NFATC3: variants seen among roughly 807,000 people sequenced by gnomAD.
The protein encoded by NFATC3 is nuclear factor of activated T cells 3.
A neutral mutation model predicts 98.6 loss-of-function variants in NFATC3; 46 were observed. The observed-to-expected ratio is 0.47, with a 90% confidence interval of 0.37 to 0.60. The LOEUF (loss-of-function observed/expected upper bound fraction) is 0.60, where lower values mean the gene tolerates loss of function less well. NFATC3 is among the 20% of genes least tolerant of loss of function. The pLI, the probability that NFATC3 is intolerant of heterozygous loss-of-function variation, is 0.00. For missense variants in NFATC3, 1,256 were observed against 1,295.5 expected, an observed-to-expected ratio of 0.97 and a Z score of 0.47; for synonymous variants, 512 against 472.2, an observed-to-expected ratio of 1.08 and a Z score of -1.09.
intron 9 of NFATC3, among the ~76,000 whole-genome samples, chr16:68,206,814 G>T (rs2041164399): frequency 6.6e-6 from 1 of 151,800 alleles, no homozygotes; most frequent in African/African-American, 2.4e-5. Flanking sequence ...GAGACCCCAT[G>T]TCTATAAAAA....
intron 9 of NFATC3, among the ~76,000 whole-genome samples, chr16:68,222,359 CAT>C (rs1396912445): frequency 7.8e-6 from 1 of 128,226 alleles, no homozygotes; most frequent in East Asian, 2.4e-4. Context: ...GAAAACACGT[CAT>C]GTGGTTTTTG....
intron 3 of NFATC3, among the ~76,000 whole-genome samples, chr16:68,127,590 A>G (rs937081992): frequency 6.6e-6 from 1 of 152,060 alleles, no homozygotes; most frequent in Admixed American, 6.5e-5. Flanking sequence ...CCAGAGGCTA[A>G]GATGGGAAGA....
chr16:68,131,029 G>A (rs1375240298), intron 3 of NFATC3, among the ~76,000 whole-genome samples: 5 of 152,064 alleles, frequency 3.3e-5, no homozygotes, highest in Non-Finnish European at 7.4e-5. Flanking sequence ...TATCAATACT[G>A]TGCTGTTCTT....
intron 9 of NFATC3, among the ~76,000 whole-genome samples, chr16:68,194,491 T>C (rs929134703): frequency 5.3e-5 from 8 of 152,240 alleles, no homozygotes; most frequent in Admixed American, 6.5e-5. Flanking sequence ...AGGCTGCTAC[T>C]TTTATGCAAA....
At chr16:68,137,720 T>C (rs1421219311) in intron 3 of NFATC3, among the ~76,000 whole-genome samples, 1 of 151,880 alleles carries the variant, frequency 6.6e-6, no homozygotes, top group African/African-American at 2.4e-5. Flanking sequence ...TTCACGCCAT[T>C]CTCCTGCCTC....
chr16:68,085,411 T>TG lies in NFATC3; in HGVS notation c.-264dup, dbSNP rs138501669. The TG allele has an allele frequency of 0.059, 7,307 of 123,186 alleles. 459 individuals are homozygous for TG. The highest frequency in any genetic ancestry group is 0.36 in the African/African-American group (5,984 of 16,476). 7.6% of individuals were successfully genotyped at this position (123,186 alleles called of 1,614,324 possible). Reference sequence around the variant, plus strand: ...CCCGCGGCGGCGGTGGCGGCGACTGTGGGGGGGCGGCGGGGAACATTGGCT... The same window carrying TG: ...CCCGCGGCGGCGGTGGCGGCGACTGTGGGGGGGGCGGCGGGGAACATTGGCT... On this transcript the variant is annotated 5_prime_UTR_variant, in exon 1 of 10. Coordinates refer to ENST00000346183, the MANE Select transcript of NFATC3 (RefSeq NM_173165.3).
intron 3 of NFATC3, 44 bp from the exon 4 acceptor site, chr16:68,157,825 T>C (rs1401352385): frequency 4.0e-6 from 6 of 1,502,112 alleles, no homozygotes; most frequent in African/African-American, 1.4e-5. Context: ...GTAAAATGCA[T>C]GGATAATGAA....
chr16:68,112,645 CGT>C lies in NFATC3; in HGVS notation c.104-9341_104-9340del, dbSNP rs1491279068. Among the ~76,000 whole-genome samples the C allele has an allele frequency of 3.4e-3, 401 of 119,176 alleles. 18 individuals carry two copies. The highest frequency in any genetic ancestry group is 0.012 in the African/African-American group (371 of 29,728). 78.2% of individuals were successfully genotyped at this position (119,176 alleles called of 152,430 possible). On this transcript the variant is annotated intron_variant, in intron 1 of 9. Coordinates refer to ENST00000346183, the MANE Select transcript of NFATC3 (RefSeq NM_173165.3). ...TCATTTCTTTTCATTTTTTCTTTTT[CGT>C]TTTTTTTTTTTTTTTTTTTTTTGAG...
intron 5 of NFATC3, among the ~76,000 whole-genome samples, chr16:68,168,513 C>G (rs1472913323): frequency 2.0e-5 from 3 of 149,150 alleles, no homozygotes; most frequent in Middle Eastern, 3.8e-3. Context: ...TTAGACGGAG[C>G]CTCCCTCTTT....
chr16:68,096,185 C>CTGG (rs752321779), intron 1 of NFATC3, among the ~76,000 whole-genome samples: 42 of 152,162 alleles, frequency 2.8e-4, no homozygotes, highest in Admixed American at 5.9e-4. Context: ...AGGCCAGTCT[C>CTGG]AAACTCCTGG....
chr16:68,145,779 C>G (rs965994747), intron 3 of NFATC3, among the ~76,000 whole-genome samples: 2 of 152,102 alleles, frequency 1.3e-5, no homozygotes, highest in Non-Finnish European at 2.9e-5. Flanking sequence ...TTATTTGAAT[C>G]TATATATGGG....
At chr16:68,198,804 T>G (rs2040778947) in intron 9 of NFATC3, among the ~76,000 whole-genome samples, 1 of 152,298 alleles carries the variant, frequency 6.6e-6, no homozygotes, top group African/African-American at 2.4e-5. Context: ...ATCCCAGCAC[T>G]ATGGGAGGCC....
intron 1 of NFATC3, among the ~76,000 whole-genome samples, chr16:68,119,465 C>T (rs1032812466): frequency 2.6e-5 from 4 of 152,132 alleles, no homozygotes; most frequent in African/African-American, 9.7e-5. Flanking sequence ...TGACTAGCCT[C>T]TCCCTGACCA....
Position 68,166,867 on chromosome 16 carries a change from ACT to A in NFATC3, c.1628_1629del (p.Leu543ProfsTer13). 1 of 1,613,282 alleles carries A rather than the reference ACT, an allele frequency of 6.2e-7. No homozygotes were observed. Among genetic ancestry groups the A allele is most frequent in the Non-Finnish European group, 8.5e-7 (1 of 1,179,672 alleles). On this transcript the variant is annotated frameshift_variant, in exon 5 of 10. Transcript: ENST00000346183. LOFTEE classifies it high-confidence loss of function. The part of the protein sequence containing the change: ...ASIDCAGILK[L>X]RNSDIELRKG... ...GTATTGATTGTGCAGGTATTTTGAA[ACT>A]CCGCAATTCAGATATAGAACTTCGA...
At chr16:68,143,776 C>T (rs1162154245) in intron 3 of NFATC3, among the ~76,000 whole-genome samples, 1 of 152,140 alleles carries the variant, frequency 6.6e-6, no homozygotes, top group African/African-American at 2.4e-5. Context: ...TGCTTGAACC[C>T]AGGAGGTGGA....
At chr16:68,192,263 A>ATG (rs1440923256) in intron 9 of NFATC3, 1 of 131,326 alleles carries the variant, frequency 7.6e-6, no homozygotes, top group Non-Finnish European at 1.6e-5. Flanking sequence ...ATGTATGTGT[A>ATG]TATATATATG....
chr16:68,214,468 C>A, intron 9 of NFATC3: 1 of 1,579,510 alleles, frequency 6.3e-7, no homozygotes, highest in Non-Finnish European at 8.7e-7. Flanking sequence ...TGTTTTTGTG[C>A]CCAAGTCTGG....
intron 3 of NFATC3, among the ~76,000 whole-genome samples, chr16:68,154,646 A>C (rs2038514600): frequency 6.6e-6 from 1 of 152,214 alleles, no homozygotes; most frequent in Admixed American, 6.5e-5. Flanking sequence ...TACGTATCTG[A>C]ATCAAGTCAA....
rs1315927350 is a variant in NFATC3, at chr16:68,191,791, ATATG to A, written c.3106+18_3106+21del. On this transcript the variant is annotated intron_variant, in intron 9 of 9. Coordinates refer to ENST00000346183, the MANE Select transcript of NFATC3 (RefSeq NM_173165.3). The stretch of plus-strand genomic sequence containing the variant: ...TTAGATGATGGTAAGTTCATCTCTG[ATATG>A]TTCTTGAAGTAGTGAAGATTCAGGG... 1 of 1,613,264 alleles carries A rather than the reference ATATG, an allele frequency of 6.2e-7. No individual in the cohort carries two copies. Among genetic ancestry groups the A allele is most frequent in the Middle Eastern group, 1.7e-4 (1 of 6,060 alleles).
Sources: gnomAD v4.1 joint callset for allele counts (sites outside exome capture counted in the v4.1 genomes callset) on GRCh38, gnomAD v4.1.1 for gene constraint, MANE v1.5 for transcripts, NCBI Gene and HGNC (gene_info 2026-07-23, HGNC 2026-07-21) for gene names.